The following EPPK1 variants were observed in gnomAD, a reference collection of about 807,000 sequenced individuals.
EPPK1 encodes the protein epiplakin.
For synonymous variants in EPPK1, 1,862 were observed against 1,721.2 expected (o/e 1.08, Z -2.03); for missense variants, 3,823 against 3,673.3 (o/e 1.04, Z -1.05).
chr8:143,877,013 C>G (rs1554662376), intron 1 of EPPK1, among the ~76,000 whole-genome samples: 1 of 152,270 alleles, frequency 6.6e-6, no homozygotes. Context: ...GGCTCAAGTT[C>G]CCCAAACAAA....
Position 143,870,207 on chromosome 8 carries a change from G to C in EPPK1, c.3047C>G (p.Ser1016Cys). 1 of 1,610,194 alleles carries C rather than the reference G, an allele frequency of 6.2e-7. No homozygotes were observed. The highest frequency in any genetic ancestry group is 8.5e-7 in the Non-Finnish European group (1 of 1,178,832). ...CTGGAACACAGACACCTGCTTCCCA[G>C]AGAAGGGGTCTCTGAAGCCAGCAAT... ...GAIAGFRDPF[S>C]GKQVSVFQAM... Residue 1016 changes from serine to cysteine, a missense_variant, in exon 2 of 2, where the codon TCT becomes TGT. Transcript: ENST00000615648. The surrounding 1 kb of genome is among the most constrained non-coding windows in gnomAD (Gnocchi z 5.2).
chr8:143,873,339 C>T, intron 1 of EPPK1, 41 bp from the exon 2 acceptor site: 4 of 1,373,442 alleles, frequency 2.9e-6, no homozygotes, highest in Admixed American at 3.2e-5. Context: ...CCCCGCATGG[C>T]CTGGTGGGCA....
intron 1 of EPPK1, among the ~76,000 whole-genome samples, chr8:143,874,094 G>T (rs1486288615): frequency 6.6e-6 from 1 of 152,210 alleles, no homozygotes; most frequent in African/African-American, 2.4e-5. Flanking sequence ...GTCCTGCCAG[G>T]AGCCGGGTGC....
Position 143,867,004 on chromosome 8 carries a change from G to T in EPPK1, c.6250C>A (p.Pro2084Thr). The change falls in exon 2 of 2, where the codon CCA becomes ACA. Residue 2084 changes from proline to threonine, a missense_variant. Physicochemically the swap from Pro to Thr is conservative, Grantham distance 38. Coordinates refer to ENST00000615648, the MANE Select transcript of EPPK1 (RefSeq NM_031308.4). Reference protein sequence around the residue: ...PQEDTGWLLFPVNKAARDSEH... With the variant: ...PQEDTGWLLFTVNKAARDSEH... ...GAGTCCCGTGCAGCCTTGTTCACTG[G>T]GAACAGCAGCCAGCCCGTGTCCTCT... 6.2e-7 allele frequency: 1 copy of T among 1,612,812 alleles called. No individual in the cohort carries two copies. Among genetic ancestry groups the T allele is most frequent in the Non-Finnish European group, 8.5e-7 (1 of 1,179,858 alleles).
In EPPK1 at chr8:143,869,544, G is replaced by A. The variant is rs375330793; in HGVS notation, c.3710C>T (p.Ala1237Val). The A allele has an allele frequency of 2.5e-5, 39 of 1,560,238 alleles. No homozygotes were observed. The highest frequency in any genetic ancestry group is 1.1e-4 in the African/African-American group (8 of 73,876). ...TGTGCCCCACAGGCAGGCCTTCACC[G>A]CCGGCTGCTCGGCGACCTGGGCGGG... is the stretch of plus-strand genomic sequence containing the variant. ...QSPAQVAEQP[A>V]VKACLWGTGC... is the part of the protein sequence containing the mutation. The change falls in exon 2 of 2, where the codon GCG (alanine) becomes GTG (valine). Residue 1237 changes from alanine (A) to valine (V), a missense_variant. Ala to Val is a moderately conservative substitution (Grantham distance 64). Transcript: ENST00000615648.
rs782282138 is a variant in EPPK1 at position 143,871,731 on chromosome 8, A to C, written c.1523T>G (p.Val508Gly). Residue 508 changes from valine to glycine, a missense_variant, in exon 2 of 2, where the codon GTG becomes GGG. By Grantham distance (109) the Val-to-Gly change is moderately radical (BLOSUM62 -3). Transcript: ENST00000615648. ...AGAGAAGAGCAGCTCCCAGAGGGACACGGGCCGGCCCCGGAACTTCCCCAC... is the reference window on the plus strand; with the variant it reads ...AGAGAAGAGCAGCTCCCAGAGGGACCCGGGCCGGCCCCGGAACTTCCCCAC... ...VSVGKFRGRP[V>G]SLWELLFSEA... The C allele has an allele frequency of 1.2e-6, 2 of 1,609,264 alleles. No homozygotes were observed. The highest frequency in any genetic ancestry group is 1.1e-5 in the South Asian group (1 of 90,832).
intron 1 of EPPK1, among the ~76,000 whole-genome samples, chr8:143,874,770 C>T (rs1554662137): frequency 6.6e-6 from 1 of 152,162 alleles, no homozygotes; most frequent in Non-Finnish European, 1.5e-5. Flanking sequence ...TGATTCTCCC[C>T]CTCATTCCAG....
chr8:143,875,440 C>G (rs149540936), intron 1 of EPPK1, among the ~76,000 whole-genome samples: 9 of 152,230 alleles, frequency 5.9e-5, no homozygotes, highest in Non-Finnish European at 8.8e-5. Flanking sequence ...GAGCTGGGAC[C>G]AGGAGGGCTC....
In EPPK1 at chr8:143,868,194, G is replaced by C. The variant is rs371322120; in HGVS notation, c.5060C>G (p.Thr1687Arg). 1 of 1,612,970 alleles carries C rather than the reference G, an allele frequency of 6.2e-7. No homozygotes were observed. The highest frequency in any genetic ancestry group is 1.7e-5 in the Admixed American group (1 of 60,004). ...GIRLLEAQIA[T>R]GGIIDPVHSH... ...GTGCACGGGGTCGATGATGCCGCCC[G>C]TGGCGATCTGGGCCTCCAGCAGGCG... Residue 1687 changes from threonine (T) to arginine (R), a missense_variant, in exon 2 of 2, where the codon ACG (threonine) becomes AGG (arginine). Transcript: ENST00000615648.
In EPPK1 at chr8:143,869,290, T is replaced by C. The variant is rs1467329925; in HGVS notation, c.3964A>G (p.Arg1322Gly). The change falls in exon 2 of 2, where the codon AGG becomes GGG. Residue 1322 changes from arginine to glycine, a missense_variant. Physicochemically the swap from Arg to Gly is moderately radical, Grantham distance 125 (BLOSUM62 -2). Transcript: ENST00000615648. ...ELSEQLGQAE[R>G]AAAGYPDPYS... The stretch of plus-strand genomic sequence containing the variant: ...GGATCTGGGTACCCGGCCGCCGCCC[T>C]CTCGGCCTGCCCGAGCTGCTCACTC... 10 of 1,604,952 alleles carry C rather than the reference T, an allele frequency of 6.2e-6. No homozygotes were observed. The African/African-American group carries it at 1.1e-4, about 17-fold the overall frequency.
At chr8:143,877,420 G>A (rs1563891456) in intron 1 of EPPK1, among the ~76,000 whole-genome samples, 1 of 152,182 alleles carries the variant, frequency 6.6e-6, no homozygotes, top group Non-Finnish European at 1.5e-5. Context: ...AGGGTGATGG[G>A]GTGGGGAGGA....
chr8:143,872,423 C>G lies in EPPK1; in HGVS notation c.831G>C (p.Val277=). 1 of 1,601,168 alleles carries G rather than the reference C, an allele frequency of 6.2e-7. No homozygotes were observed. The highest frequency in any genetic ancestry group is 2.2e-5 in the East Asian group (1 of 44,842). ...AAVDVSARAE[V]RRYLEGTGSV... is the part of the protein sequence containing the mutation. ...TGCCGGTACCCTCCAGGTAGCGCCG[C>G]ACCTCGGCACGTGCACTCACGTCCA... Residue 277 remains valine (V), a synonymous_variant, in exon 2 of 2, where the codon GTG becomes GTC. Transcript: ENST00000615648.
rs782130138 is a variant in EPPK1 at position 143,869,487 on chromosome 8, G to T, written c.3767C>A (p.Ser1256Tyr). 9.7e-6 allele frequency: 15 copies of T among 1,547,994 alleles called. No homozygotes were observed. The highest frequency in any genetic ancestry group is 1.7e-4 in the Middle Eastern group (1 of 5,818). Residue 1256 changes from serine to tyrosine, a missense_variant, in exon 2 of 2, where the codon TCT becomes TAT. Coordinates refer to ENST00000615648, the MANE Select transcript of EPPK1 (RefSeq NM_031308.4). Reference protein sequence around the residue: ...GCVAGVLLQPSGAKASIAQAV... With the variant: ...GCVAGVLLQPYGAKASIAQAV... The stretch of plus-strand genomic sequence containing the variant: ...CTGGGCGATGCTGGCCTTGGCCCCA[G>T]AGGGCTGTAGCAGCACACCGGCCAC...
Position 143,868,973 on chromosome 8 carries a change from G to C in EPPK1, c.4281C>G (p.Thr1427=), listed in dbSNP as rs781984540. The C allele has an allele frequency of 6.2e-7, 1 of 1,610,360 alleles. No homozygotes were observed. The highest frequency in any genetic ancestry group is 8.5e-7 in the Non-Finnish European group (1 of 1,179,848). ...LRERCVCDSE[T]GLLLLPLPSD... is the part of the protein sequence containing the mutation. ...AGGGCAGTGGCAACAGCAACAATCC[G>C]GTCTCGGAGTCGCACACGCAGCGCT... Residue 1427 remains threonine (T), a synonymous_variant, in exon 2 of 2, where the codon ACC becomes ACG. Coordinates refer to ENST00000615648, the MANE Select transcript of EPPK1 (RefSeq NM_031308.4).
intron 1 of EPPK1, among the ~76,000 whole-genome samples, chr8:143,875,682 G>A (rs1158915791): frequency 6.6e-6 from 1 of 152,250 alleles, no homozygotes; most frequent in African/African-American, 2.4e-5. Context: ...ATGCCTGGGC[G>A]CTTGTCTTCG....
Position 143,867,335 on chromosome 8 carries a change from T to A in EPPK1, c.5919A>T (p.Arg1973Ser), listed in dbSNP as rs782092695. 1 of 1,612,690 alleles carries A rather than the reference T, an allele frequency of 6.2e-7. No homozygotes were observed. The highest frequency in any genetic ancestry group is 1.1e-5 in the South Asian group (1 of 91,078). The change falls in exon 2 of 2, where the codon AGA becomes AGT. Residue 1973 changes from arginine to serine, a missense_variant. Transcript: ENST00000615648. ...CCGGATCCCTGTAGCCCGTGGCAGC[T>A]CTTTCAGCCTTCAGGAGCCTCTCCC... is the stretch of plus-strand genomic sequence containing the variant. ...ELRERLLKAE[R>S]AATGYRDPAT...
Position 143,871,412 on chromosome 8 carries a change from G to A in EPPK1, c.1842C>T (p.Gly614=), listed in dbSNP as rs1479578918. The A allele has an allele frequency of 2.5e-6, 4 of 1,604,340 alleles. No individual in the cohort carries two copies. The highest frequency in any genetic ancestry group is 1.7e-5 in the Admixed American group (1 of 58,938). Residue 614 remains glycine, a synonymous_variant, in exon 2 of 2, where the codon GGC becomes GGT. Transcript: ENST00000615648. ...RYLQGTGCIA[G]LLLPGSQERL... Reference sequence around the variant, plus strand: ...GTTCCTGGGAGCCAGGGAGCAGCAGGCCAGCAATGCAGCCCGTACCCTGCA... The same window carrying A: ...GTTCCTGGGAGCCAGGGAGCAGCAGACCAGCAATGCAGCCCGTACCCTGCA...
At position 143,869,204 on chromosome 8, in the gene EPPK1, G is replaced by C. The variant is rs533647458; in HGVS notation, c.4050C>G (p.Asn1350Lys). 5.6e-6 allele frequency: 9 copies of C among 1,609,992 alleles called. No individual in the cohort carries two copies. The African/African-American group carries it at 1.1e-4, about 19-fold the overall frequency. The change falls in exon 2 of 2, where the codon AAC becomes AAG. Residue 1350 changes from asparagine (N) to lysine (K), a missense_variant. Physicochemically the swap from Asn to Lys is moderately conservative, Grantham distance 94 (BLOSUM62 0). Transcript: ENST00000615648. ...QAMEKGLVPQNEGLPLLQVQL... is the reference protein window; with the variant it reads ...QAMEKGLVPQKEGLPLLQVQL... ...GCACCTGCAGGAGGGGCAAGCCCTC[G>C]TTCTGTGGCACGAGCCCCTTCTCCA...
Position 143,868,742 on chromosome 8 carries a change from T to G in EPPK1, c.4512A>C (p.Ala1504=). 6.3e-7 allele frequency: 1 copy of G among 1,580,872 alleles called. No individual in the cohort carries two copies. The highest frequency in any genetic ancestry group is 8.6e-7 in the Non-Finnish European group (1 of 1,168,592). Residue 1504 remains alanine, a synonymous_variant, in exon 2 of 2, where the codon GCA becomes GCC. Coordinates refer to ENST00000615648, the MANE Select transcript of EPPK1 (RefSeq NM_031308.4). ...CTGCAGCCTCGACCAGGGTGGTGAC[T>G]GCGCTGACCACCTGCCGCAGGGCCG... The part of the protein sequence containing the change: ...RAAALRQVVS[A]VTTLVEAAER...
Sources: allele counts gnomAD v4.1 joint callset (sites outside exome capture counted in the v4.1 genomes callset), GRCh38; gene constraint gnomAD v4.1.1; non-coding constraint Gnocchi (gnomAD v3.1); transcripts MANE v1.5; gene names NCBI Gene and HGNC (gene_info 2026-07-23, HGNC 2026-07-21).